Variants in TGFB1 observed in about 807,000 individuals in gnomAD.
TGFB1 encodes transforming growth factor beta 1, also known as transforming growth factor beta-1 proprotein.
In TGFB1, 19 loss-of-function variants were observed where a neutral mutation model predicts 43.8. That is an observed-to-expected ratio of 0.43 (90% confidence interval 0.30 to 0.64). The LOEUF is 0.64. TGFB1 is among the 30% of genes least tolerant of loss of function. The probability of loss-of-function intolerance (pLI) is 0.11; values close to 1 mark genes in which losing one functional copy is unlikely to be tolerated. For missense variants in TGFB1, 445 were observed against 529.8 expected (o/e 0.84, Z 1.57); for synonymous variants, 221 against 236.3 (o/e 0.94, Z 0.60).
At chr19:41,348,130 CAAAA>C (rs11347492) in intron 2 of TGFB1, among the ~76,000 whole-genome samples, 161 bp downstream of exon 2, 2 of 136,746 alleles carry the variant, frequency 1.5e-5, no homozygotes, top group African/African-American at 2.7e-5. Context: ...GACACTGTCT[CAAAA>C]AAAAAAAAAA....
chr19:41,339,786 T>A (rs2038033200), intron 5 of TGFB1, among the ~76,000 whole-genome samples: 1 of 152,118 alleles, frequency 6.6e-6, no homozygotes, highest in African/African-American at 2.4e-5. Flanking sequence ...ATCACGCCAC[T>A]GCACTCCAGC....
At chr19:41,332,554 C>T (rs915150810) in intron 5 of TGFB1, among the ~76,000 whole-genome samples, 6 of 152,148 alleles carry the variant, frequency 3.9e-5, no homozygotes, top group African/African-American at 7.2e-5. Flanking sequence ...TGACCATCCA[C>T]GGGGGGGCTA....
At chr19:41,336,218 G>A (rs955701979) in intron 5 of TGFB1, among the ~76,000 whole-genome samples, 4 of 151,378 alleles carry the variant, frequency 2.6e-5, no homozygotes, top group Non-Finnish European at 5.9e-5. Context: ...GGCTGGTCTC[G>A]AACTCCTGAC....
At chr19:41,332,071 C>T (rs1348500352) in intron 6 of TGFB1, 57 bp downstream of exon 6, 1 of 1,583,538 alleles carries the variant, frequency 6.3e-7, no homozygotes, top group Non-Finnish European at 8.6e-7. Flanking sequence ...TCTCTCTCCT[C>T]TTCCTCCGTC....
At chr19:41,351,997 G>C (rs1195558895) in intron 1 of TGFB1, among the ~76,000 whole-genome samples, 2 of 151,818 alleles carry the variant, frequency 1.3e-5, no homozygotes, top group African/African-American at 4.8e-5. Flanking sequence ...TCTGCATCCC[G>C]GGCGCCCTCC....
At position 41,344,988 on chromosome 19, in the gene TGFB1, A is replaced by G. The variant is rs1348430811; in HGVS notation, c.517-124T>C. The G allele has an allele frequency of 3.5e-6, 3 of 854,642 alleles. No homozygotes were observed. In the East Asian group the frequency reaches 8.1e-5, roughly 23 times the overall value. The allele number at this position is 854,642 out of a possible 1,614,324, so 52.9% of individuals were successfully genotyped here. Reference sequence around the variant, plus strand: ...GGCTTCCAGAAAGTTCCCAGGCACTACCCTCTCAGACAGCCACCTGTGTGG... The same window carrying G: ...GGCTTCCAGAAAGTTCCCAGGCACTGCCCTCTCAGACAGCCACCTGTGTGG... On this transcript the variant is annotated intron_variant, in intron 2 of 6. Transcript: ENST00000221930.
chr19:41,335,543 T>C (rs1378050707), intron 5 of TGFB1, among the ~76,000 whole-genome samples: 1 of 152,174 alleles, frequency 6.6e-6, no homozygotes, highest in Non-Finnish European at 1.5e-5. Context: ...AAATCAGAAA[T>C]TGTGTGCAGG....
rs576462018 is a variant in TGFB1, at chr19:41,341,842, C to T, written c.860+41G>A. 2.7e-5 allele frequency: 43 copies of T among 1,611,854 alleles called. No homozygotes were observed. The African/African-American group carries it at 4.5e-4, about 17-fold the overall frequency. On this transcript the variant is annotated intron_variant, in intron 5 of 6. Transcript: ENST00000221930. The stretch of plus-strand genomic sequence containing the variant: ...ACCTGGTCAGCAGATGGCAGTCATG[C>T]CCCCAGCCTGGAAGGCCTCCATCCA...
At chr19:41,351,833 C>T (rs1209197036) in intron 1 of TGFB1, among the ~76,000 whole-genome samples, 2 of 117,270 alleles carry the variant, frequency 1.7e-5, no homozygotes, top group Admixed American at 1.6e-4. Flanking sequence ...GGTATCTCTC[C>T]TCCTCCCCGC....
At chr19:41,347,456 C>G (rs1032498504) in intron 2 of TGFB1, among the ~76,000 whole-genome samples, 2 of 152,138 alleles carry the variant, frequency 1.3e-5, no homozygotes, top group Non-Finnish European at 2.9e-5. Flanking sequence ...AATCCTGTGT[C>G]CTTAAAGAGT....
Position 41,348,436 on chromosome 19 carries a change from C to A in TGFB1, c.375G>T (p.Lys125Asn). Residue 125 changes from lysine (K) to asparagine (N), a missense_variant, in exon 2 of 7, where the codon AAG becomes AAT. Physicochemically the swap from Lys to Asn is moderately conservative, Grantham distance 94. Around this residue, in one of 3 missense-constraint regions of TGFB1, gnomAD observed 366 missense variants for 428.8 expected, o/e 0.85. Transcript: ENST00000221930. ...ACATATATATGCTGTGTGTACTCTG[C>A]TTGAACTTGTCATAGATTTCTAGCA... ...ETHNEIYDKF[K>N]QSTHSIYMFF... 6.2e-7 allele frequency: 1 copy of A among 1,613,306 alleles called. No homozygotes were observed. Among genetic ancestry groups the A allele is most frequent in the Non-Finnish European group, 8.5e-7 (1 of 1,179,644 alleles).
chr19:41,344,657 G>T, intron 3 of TGFB1, 90 bp downstream of exon 3: 1 of 1,180,038 alleles, frequency 8.5e-7, no homozygotes, highest in Non-Finnish European at 1.3e-6. Context: ...AGTATGGGGC[G>T]GAGAGGGGTC....
intron 5 of TGFB1, among the ~76,000 whole-genome samples, chr19:41,333,581 G>A (rs965911172): frequency 2.6e-5 from 4 of 152,034 alleles, no homozygotes; most frequent in East Asian, 3.9e-4. Context: ...GGCTGGTGTC[G>A]AACTTGGGCT....
chr19:41,332,297 A>AC lies in TGFB1; in HGVS notation c.861-17dup, dbSNP rs1410823673. 6.2e-7 allele frequency: 1 copy of AC among 1,611,688 alleles called. No homozygotes were observed. The highest frequency in any genetic ancestry group is 1.3e-5 in the African/African-American group (1 of 74,934). ...CTCCGTGGAGCTGCAGGCAGGAGAG[A>AC]CGCGTCAGGGGCAGGGAGGGGCTAC... On this transcript the variant is annotated splice_polypyrimidine_tract_variant and intron_variant, in intron 5 of 6. Transcript: ENST00000221930.
intron 2 of TGFB1, 112 bp downstream of exon 2, chr19:41,348,183 T>G: frequency 8.0e-7 from 1 of 1,245,004 alleles, no homozygotes; most frequent in Middle Eastern, 2.7e-4. Context: ...CTTCTATCCT[T>G]CAGGGACCAT....
intron 5 of TGFB1, among the ~76,000 whole-genome samples, chr19:41,333,762 A>G (rs1029913431): frequency 6.6e-6 from 1 of 152,228 alleles, no homozygotes; most frequent in Non-Finnish European, 1.5e-5. Flanking sequence ...TATCAGTTAC[A>G]TGACTGAACA....
At chr19:41,350,605 G>C (rs2038177448) in intron 1 of TGFB1, among the ~76,000 whole-genome samples, 1 of 152,218 alleles carries the variant, frequency 6.6e-6, no homozygotes, top group Non-Finnish European at 1.5e-5. Flanking sequence ...ACCGCGCCCA[G>C]CCAAGGTATT....
chr19:41,335,571 G>C (rs890066106), intron 5 of TGFB1, among the ~76,000 whole-genome samples: 1 of 152,216 alleles, frequency 6.6e-6, no homozygotes, highest in African/African-American at 2.4e-5. Flanking sequence ...ACAACAGTCC[G>C]TGTTGAACAA....
At position 41,332,153 on chromosome 19, in the gene TGFB1, CA is replaced by C; in HGVS notation, c.988del (p.Trp330GlyfsTer53). 1 of 1,614,082 alleles carries C rather than the reference CA, an allele frequency of 6.2e-7. No individual in the cohort carries two copies. The highest frequency in any genetic ancestry group is 8.5e-7 in the Non-Finnish European group (1 of 1,179,946). On this transcript the variant is annotated frameshift_variant, in exon 6 of 7. Coordinates refer to ENST00000221930, the MANE Select transcript of TGFB1 (RefSeq NM_000660.7). LOFTEE classifies it high-confidence loss of function. ...CTTGCTGTACTGCGTGTCCAGGCTC[CA>C]AATGTAGGGGCAGGGCCCGAGGCAG... ...NFCLGPCPYI[W>X]SLDTQYSKVL...
Sources: allele counts gnomAD v4.1 joint callset (sites outside exome capture counted in the v4.1 genomes callset), GRCh38; gene constraint gnomAD v4.1.1; regional missense constraint gnomAD v4.1.1; transcripts MANE v1.5; gene names NCBI Gene and HGNC (gene_info 2026-07-23, HGNC 2026-07-21).